CAPN9: variants seen among roughly 807,000 people sequenced by gnomAD.
CAPN9 encodes calpain 9.
In CAPN9, 81 loss-of-function variants were observed where a neutral mutation model predicts 92.8. That is an observed-to-expected ratio of 0.87 (90% confidence interval 0.73 to 1.05). The LOEUF (loss-of-function observed/expected upper bound fraction) is 1.05. Ranked by LOEUF, CAPN9 falls within the 50% of genes least tolerant of loss-of-function variation. CAPN9 has a pLI of 0.00. For missense variants in CAPN9, 848 were observed against 866.2 expected (o/e 0.98, Z 0.26); for synonymous variants, 304 against 328.0 (o/e 0.93, Z 0.79).
chr1:230,751,167 G>C lies in CAPN9; in HGVS notation c.213+3458G>C, dbSNP rs942145245. 7.9e-5 allele frequency among the ~76,000 whole-genome samples: 12 copies of C among 152,170 alleles called. 1 individual carries two copies. Among genetic ancestry groups the C allele is most frequent in the Admixed American group, 7.2e-4 (11 of 15,286 alleles). On this transcript the variant is annotated intron_variant, in intron 1 of 19. Transcript: ENST00000271971. ...CCCCTGTGGCAGACCTGTGCACAGC[G>C]TGGCATGTGACCACAGCCTCTCCTG...
chr1:230,778,852 C>A, intron 8 of CAPN9, 121 bp from the exon 9 acceptor site: 5 of 887,724 alleles, frequency 5.6e-6, no homozygotes, highest in Non-Finnish European at 8.5e-6. Context: ...GCAGTCCCCC[C>A]ACTCCTTGCG....
rs1042694655 is a variant in CAPN9, at chr1:230,791,487, G to A, written c.1658-377G>A. 7.2e-5 allele frequency among the ~76,000 whole-genome samples: 11 copies of A among 152,178 alleles called. No homozygotes were observed. In the East Asian group the frequency reaches 7.7e-4, roughly 11 times the overall value. ...TGCAAAAACATGATTCCTAAGGGTCGTATAATACTTCATTATATAGACATA... is the reference window on the plus strand; with the variant it reads ...TGCAAAAACATGATTCCTAAGGGTCATATAATACTTCATTATATAGACATA... On this transcript the variant is annotated intron_variant, in intron 14 of 19. Transcript: ENST00000271971.
In CAPN9 at chr1:230,747,721, G is replaced by A. The variant is rs374500717; in HGVS notation, c.213+12G>A. On this transcript the variant is annotated intron_variant, in intron 1 of 19. Transcript: ENST00000271971. ...GGAAACGACCAGGGGTGAGTGGGGC[G>A]AGCAGGGGAAGGAGCATAGATGAGG... 8.1e-6 allele frequency: 13 copies of A among 1,612,808 alleles called. No homozygotes were observed. Among genetic ancestry groups the A allele is most frequent in the East Asian group, 4.5e-5 (2 of 44,856 alleles).
intron 8 of CAPN9, among the ~76,000 whole-genome samples, chr1:230,778,047 T>A (rs780415787): frequency 2.0e-5 from 3 of 152,038 alleles, no homozygotes; most frequent in Non-Finnish European, 4.4e-5. Flanking sequence ...TACTTTAACA[T>A]CTCTCCTTGA....
At chr1:230,767,434 G>A in intron 4 of CAPN9, 107 bp from the exon 5 acceptor site, 1 of 925,372 alleles carries the variant, frequency 1.1e-6, no homozygotes, top group Non-Finnish European at 1.6e-6. Context: ...GCCAGGGCAA[G>A]CCCTGGGAGA....
intron 11 of CAPN9, among the ~76,000 whole-genome samples, chr1:230,781,163 C>G (rs528184751): frequency 6.6e-6 from 1 of 152,302 alleles, no homozygotes; most frequent in South Asian, 2.1e-4. Context: ...GCCACCACGC[C>G]AGGCTGCAGG....
chr1:230,781,536 A>T (rs1361387895), intron 11 of CAPN9, among the ~76,000 whole-genome samples: 1 of 152,216 alleles, frequency 6.6e-6, no homozygotes, highest in African/African-American at 2.4e-5. Flanking sequence ...AAATTACTTT[A>T]TATCAGTTAC....
intron 16 of CAPN9, 75 bp from the exon 17 acceptor site, chr1:230,792,775 T>C (rs1668092582): frequency 2.4e-6 from 3 of 1,265,378 alleles, no homozygotes; most frequent in Non-Finnish European, 3.5e-6. Flanking sequence ...CCGGGCTGGC[T>C]GTCACCCATT....
chr1:230,749,801 T>G (rs1220682844), intron 1 of CAPN9, among the ~76,000 whole-genome samples: 1 of 152,180 alleles, frequency 6.6e-6, no homozygotes, highest in Non-Finnish European at 1.5e-5. Flanking sequence ...GTGTAAAGAA[T>G]CAGTGCTGGT....
intron 7 of CAPN9, among the ~76,000 whole-genome samples, chr1:230,773,811 C>G (rs941229778): frequency 6.6e-6 from 1 of 152,168 alleles, no homozygotes; most frequent in Non-Finnish European, 1.5e-5. Context: ...GTTGAGATCA[C>G]AGGATGAGAG....
intron 2 of CAPN9, among the ~76,000 whole-genome samples, chr1:230,758,238 G>A (rs1282980942): frequency 6.6e-6 from 1 of 152,216 alleles, no homozygotes; most frequent in East Asian, 1.9e-4. Flanking sequence ...TCAGCCCACA[G>A]CAGAGGTCAC....
intron 3 of CAPN9, among the ~76,000 whole-genome samples, chr1:230,762,421 A>C (rs1263797562): frequency 6.6e-6 from 1 of 152,192 alleles, no homozygotes; most frequent in Non-Finnish European, 1.5e-5. Context: ...TGATGGGTTG[A>C]CCCTGAGTCT....
rs747467204 is a variant in CAPN9, at chr1:230,759,502, C to T, written c.284-10C>T. ...AATGAAAATTGTGATTTATGGCTTC[C>T]ATTTTGCAGGAGACTGCTGGCTATT... On this transcript the variant is annotated splice_polypyrimidine_tract_variant and intron_variant, in intron 2 of 19. Coordinates refer to ENST00000271971, the MANE Select transcript of CAPN9 (RefSeq NM_006615.3). 5.1e-6 allele frequency: 8 copies of T among 1,583,062 alleles called. 1 individual carries two copies. In the South Asian group the frequency reaches 9.3e-5, roughly 18 times the overall value.
At chr1:230,766,986 C>G (rs1295949376) in intron 4 of CAPN9, among the ~76,000 whole-genome samples, 1 of 152,062 alleles carries the variant, frequency 6.6e-6, no homozygotes, top group Admixed American at 6.5e-5. Context: ...AATTGAAAAG[C>G]TTATTTAAAA....
At chr1:230,780,739 A>T in intron 11 of CAPN9, 31 bp downstream of exon 11, 2 of 1,584,622 alleles carry the variant, frequency 1.3e-6, no homozygotes, top group Middle Eastern at 1.7e-4. Context: ...CCAGAATCCC[A>T]CTTCTTTTAG....
chr1:230,796,475 G>T (rs1328362372), intron 18 of CAPN9, among the ~76,000 whole-genome samples: 2 of 152,130 alleles, frequency 1.3e-5, no homozygotes, highest in Non-Finnish European at 2.9e-5. Context: ...CTAATTACTT[G>T]CCTGAAGCAC....
chr1:230,797,854 G>C (rs1222711021), intron 18 of CAPN9, among the ~76,000 whole-genome samples: 13 of 152,276 alleles, frequency 8.5e-5, no homozygotes, highest in African/African-American at 3.1e-4. Flanking sequence ...TGGATTTCAA[G>C]GGCCCTGTAC....
Position 230,787,577 on chromosome 1 carries a change from C to A in CAPN9, c.1574C>A (p.Ala525Asp), listed in dbSNP as rs142552467. The change falls in exon 13 of 20, where the codon GCT becomes GAT. Residue 525 changes from alanine to aspartate, a missense_variant. By Grantham distance (126) the Ala-to-Asp change is moderately radical (BLOSUM62 -2). Transcript: ENST00000271971. The stretch of plus-strand genomic sequence containing the variant: ...ACAGAGGAGGAGCAGCGGTTTCGGG[C>A]TCTGTTTGAACAAGTCGCTGGTGAG... ...QETEEEQRFR[A>D]LFEQVAGEDM... 110 of 1,614,050 alleles carry A rather than the reference C, an allele frequency of 6.8e-5. No homozygotes were observed. In the African/African-American group the frequency reaches 1.2e-3, roughly 18 times the overall value.
At chr1:230,795,443 CA>C (rs1476083123) in intron 18 of CAPN9, 164 bp downstream of exon 18, 1 of 567,724 alleles carries the variant, frequency 1.8e-6, no homozygotes, top group African/African-American at 1.9e-5. Flanking sequence ...AGCTAAGGAG[CA>C]GAATGTGCCA....
Sources: gnomAD v4.1 joint callset for allele counts (sites outside exome capture counted in the v4.1 genomes callset) on GRCh38, gnomAD v4.1.1 for gene constraint, MANE v1.5 for transcripts, NCBI Gene and HGNC (gene_info 2026-07-23, HGNC 2026-07-21) for gene names.